Variants in KDELR3 observed in about 807,000 individuals in gnomAD.
KDELR3 encodes the protein KDEL endoplasmic reticulum protein retention receptor 3.
KDELR3 carries 26 observed loss-of-function variants against 22.7 expected under a neutral mutation model. The ratio of observed to expected loss-of-function variants is 1.15; its 90% confidence interval spans 0.84 to 1.59. The LOEUF is 1.59. Among genes scored for constraint, KDELR3 ranks in the 40% most tolerant of loss-of-function variants. The pLI, the probability that KDELR3 is intolerant of heterozygous loss-of-function variation, is 0.00. For synonymous variants in KDELR3, 120 were observed against 98.2 expected, an observed-to-expected ratio of 1.22 and a Z score of -1.31; for missense variants, 289 against 251.1, an observed-to-expected ratio of 1.15 and a Z score of -1.02.
At position 38,479,690 on chromosome 22, in the gene KDELR3, T is replaced by G. The variant is rs778634923; in HGVS notation, c.290T>G (p.Phe97Cys). 2.5e-6 allele frequency: 4 copies of G among 1,614,092 alleles called. No individual in the cohort carries two copies. The African/African-American group carries it at 5.3e-5, about 22-fold the overall frequency. ...GAGAATGACACATTCCGCCTGGAGT[T>G]TCTTCTGGTCCCAGTCATTGGCCTT... The part of the protein sequence containing the change: ...DSENDTFRLE[F>C]LLVPVIGLSF... Residue 97 changes from phenylalanine (F) to cysteine (C), a missense_variant, in exon 3 of 5, where the codon TTT becomes TGT. By Grantham distance (205) the Phe-to-Cys change is radical (BLOSUM62 -2). Transcript: ENST00000216014.
Position 38,474,606 on chromosome 22 carries a change from T to A in KDELR3, c.175T>A (p.Tyr59Asn). ...CCTGTTCACCAACTTCATCTCCATC[T>A]ACAACACAGTAATGAAGGTGAGGGG... ...LDLFTNFISI[Y>N]NTVMKVVFLL... is the part of the protein sequence containing the mutation. Residue 59 changes from tyrosine to asparagine, a missense_variant, in exon 2 of 5, where the codon TAC becomes AAC. Transcript: ENST00000216014. 6.2e-7 allele frequency: 1 copy of A among 1,613,248 alleles called. No individual in the cohort carries two copies.
At chr22:38,481,166 T>G (rs776630707) in intron 3 of KDELR3, 46 bp from the exon 4 acceptor site, 14 of 1,516,588 alleles carry the variant, frequency 9.2e-6, no homozygotes, top group Non-Finnish European at 1.3e-5. Flanking sequence ...AAGATGGGCC[T>G]CTTCTTGGTC....
chr22:38,470,982 A>G (rs1484967981), intron 1 of KDELR3, among the ~76,000 whole-genome samples: 1 of 152,106 alleles, frequency 6.6e-6, no homozygotes, highest in African/African-American at 2.4e-5. Flanking sequence ...TCTCCACTAA[A>G]AATACAAAAA....
In KDELR3 at chr22:38,475,408, A is replaced by G. The variant is rs528009391; in HGVS notation, c.192+785A>G. ...TGGGACAATCACCTGATCTTGGTAGATCAAGGCTGCAGTGAGCCATGATCA... is the reference window on the plus strand; with the variant it reads ...TGGGACAATCACCTGATCTTGGTAGGTCAAGGCTGCAGTGAGCCATGATCA... On this transcript the variant is annotated intron_variant, in intron 2 of 4. Transcript: ENST00000216014. Among the ~76,000 whole-genome samples, 591 of 152,118 alleles carry G rather than the reference A, an allele frequency of 3.9e-3. 5 individuals carry two copies. The highest frequency in any genetic ancestry group is 0.014 in the Middle Eastern group (4 of 294).
rs1208282836 is a variant in KDELR3 at position 38,483,312 on chromosome 22, C to T, written c.*776C>T. Reference sequence around the variant, plus strand: ...TTCCAATTCTTGTATTAAGTTTTTTCCTTTCAGTTTTAGGTGCGAAAGTAA... The same window carrying T: ...TTCCAATTCTTGTATTAAGTTTTTTTCTTTCAGTTTTAGGTGCGAAAGTAA... On this transcript the variant is annotated 3_prime_UTR_variant, in exon 5 of 5. Coordinates refer to ENST00000216014, the MANE Select transcript of KDELR3 (RefSeq NM_006855.4). The T allele has an allele frequency of 6.6e-6, 1 of 152,134 alleles. No individual in the cohort carries two copies. The highest frequency in any genetic ancestry group is 2.4e-5 in the African/African-American group (1 of 41,420). 9.4% of individuals were successfully genotyped at this position (152,134 alleles called of 1,614,324 possible).
chr22:38,474,592 A>G lies in KDELR3; in HGVS notation c.161A>G (p.Asn54Ser). ...ACCAGGTACCTGGACCTGTTCACCA[A>G]CTTCATCTCCATCTACAACACAGTA... ...FTTRYLDLFTNFISIYNTVMK... is the reference protein window; with the variant it reads ...FTTRYLDLFTSFISIYNTVMK... Residue 54 changes from asparagine to serine, a missense_variant, in exon 2 of 5, where the codon AAC becomes AGC. Asn to Ser is a conservative substitution (Grantham distance 46). Transcript: ENST00000216014. 1.2e-6 allele frequency: 2 copies of G among 1,613,692 alleles called. No individual in the cohort carries two copies. The highest frequency in any genetic ancestry group is 1.7e-6 in the Non-Finnish European group (2 of 1,179,862).
rs2089613685 is a variant in KDELR3 at position 38,482,737 on chromosome 22, T to C, written c.*201T>C. 1.8e-6 allele frequency: 1 copy of C among 557,158 alleles called. No homozygotes were observed. Among genetic ancestry groups the C allele is most frequent in the Non-Finnish European group, 3.2e-6 (1 of 315,496 alleles). 34.5% of individuals were successfully genotyped at this position (557,158 alleles called of 1,614,324 possible). Reference sequence around the variant, plus strand: ...CCCTTAAAGACCCATTGTAAGGTCATAAAAAACCTCGGCCACCTGCACAAA... The same window carrying C: ...CCCTTAAAGACCCATTGTAAGGTCACAAAAAACCTCGGCCACCTGCACAAA... On this transcript the variant is annotated 3_prime_UTR_variant, in exon 5 of 5. Coordinates refer to ENST00000216014, the MANE Select transcript of KDELR3 (RefSeq NM_006855.4).
At chr22:38,469,177 G>A (rs902708333) in intron 1 of KDELR3, among the ~76,000 whole-genome samples, 5 of 152,218 alleles carry the variant, frequency 3.3e-5, no homozygotes, top group African/African-American at 9.6e-5. Context: ...TGTCAATCCA[G>A]GAAGTGTGTG....
intron 2 of KDELR3, 50 bp downstream of exon 2, chr22:38,474,673 A>C (rs984839149): frequency 2.8e-6 from 4 of 1,444,514 alleles, no homozygotes; most frequent in Non-Finnish European, 3.9e-6. Flanking sequence ...GCCCCCACAA[A>C]CTGTGAGGTA....
chr22:38,475,037 G>A (rs1324095377), intron 2 of KDELR3, among the ~76,000 whole-genome samples: 1 of 124,664 alleles, frequency 8.0e-6, no homozygotes, highest in Non-Finnish European at 1.6e-5. Context: ...CCGAGATCGC[G>A]CCACTGCACT....
intron 2 of KDELR3, among the ~76,000 whole-genome samples, chr22:38,474,921 A>C (rs2089548074): frequency 6.6e-6 from 1 of 151,848 alleles, no homozygotes; most frequent in African/African-American, 2.4e-5. Flanking sequence ...TCTACTAAAA[A>C]TACAAAAAAT....
At chr22:38,477,065 C>T (rs2089564660) in intron 2 of KDELR3, among the ~76,000 whole-genome samples, 1 of 138,044 alleles carries the variant, frequency 7.2e-6, no homozygotes, top group African/African-American at 2.7e-5. Context: ...TGCCACCATG[C>T]CTGGCTAACT....
intron 2 of KDELR3, among the ~76,000 whole-genome samples, chr22:38,476,236 T>C (rs1300889992): frequency 6.6e-6 from 1 of 152,128 alleles, no homozygotes; most frequent in East Asian, 1.9e-4. Context: ...TTTTTTTTTT[T>C]TGAGACGGAG....
chr22:38,481,252 T>C lies in KDELR3; in HGVS notation c.392T>C (p.Ile131Thr). 6.2e-7 allele frequency: 1 copy of C among 1,614,206 alleles called. No homozygotes were observed. The highest frequency in any genetic ancestry group is 8.5e-7 in the Non-Finnish European group (1 of 1,180,032). ...TCTATCTATCTGGAATCAGTGGCTA[T>C]CCTGCCCCAGCTCTTCATGATCAGC... ...TFSIYLESVA[I>T]LPQLFMISKT... The change falls in exon 4 of 5, where the codon ATC (isoleucine) becomes ACC (threonine). Residue 131 changes from isoleucine (I) to threonine (T), a missense_variant. By Grantham distance (89) the Ile-to-Thr change is moderately conservative (BLOSUM62 -1). Coordinates refer to ENST00000216014, the MANE Select transcript of KDELR3 (RefSeq NM_006855.4).
chr22:38,474,558 G>C lies in KDELR3; in HGVS notation c.127G>C (p.Val43Leu), dbSNP rs779364847. The C allele has an allele frequency of 3.1e-6, 5 of 1,613,962 alleles. No homozygotes were observed. Among genetic ancestry groups the C allele is most frequent in the Non-Finnish European group, 4.2e-6 (5 of 1,179,968 alleles). ...GAAGAGCCAGATCCTGTTTGCTCTC[G>C]TCTTCACCACCAGGTACCTGGACCT... ...SGKSQILFALVFTTRYLDLFT... is the reference protein window; with the variant it reads ...SGKSQILFALLFTTRYLDLFT... Residue 43 changes from valine to leucine, a missense_variant, in exon 2 of 5, where the codon GTC (valine) becomes CTC (leucine). Coordinates refer to ENST00000216014, the MANE Select transcript of KDELR3 (RefSeq NM_006855.4).
At chr22:38,469,751 T>C (rs916615139) in intron 1 of KDELR3, among the ~76,000 whole-genome samples, 1 of 152,236 alleles carries the variant, frequency 6.6e-6, no homozygotes, top group Non-Finnish European at 1.5e-5. Flanking sequence ...TGCCAGACAC[T>C]GCTGGGCACC....
At chr22:38,479,516 TG>T in intron 2 of KDELR3, 76 bp from the exon 3 acceptor site, 1 of 1,359,606 alleles carries the variant, frequency 7.4e-7, no homozygotes, top group Non-Finnish European at 1.0e-6. Flanking sequence ...CCCTTAGGTT[TG>T]GTAGGCTAGG....
At chr22:38,478,564 T>A in intron 2 of KDELR3, among the ~76,000 whole-genome samples, 1 of 118,284 alleles carries the variant, frequency 8.5e-6, no homozygotes, top group African/African-American at 3.1e-5. Flanking sequence ...AAGAACAAAC[T>A]TTCAGGCCCA....
chr22:38,482,961 T>A lies in KDELR3; in HGVS notation c.*425T>A, dbSNP rs1340456551. 1 of 163,610 alleles carries A rather than the reference T, an allele frequency of 6.1e-6. No homozygotes were observed. Among genetic ancestry groups the A allele is most frequent in the African/African-American group, 2.4e-5 (1 of 41,882 alleles). The allele number at this position is 163,610 out of a possible 1,614,324, so 10.1% of individuals were successfully genotyped here. A position where few individuals can be genotyped will look rare whatever the true frequency, so the allele number is the denominator to read the frequency against. On this transcript the variant is annotated 3_prime_UTR_variant, in exon 5 of 5. Transcript: ENST00000216014. ...GGGTACGTTCTTGTGAATTTCCACT[T>A]TCCAGGTAGATGACCAAATTTAGGT... is the stretch of plus-strand genomic sequence containing the variant.
Sources: allele counts gnomAD v4.1 joint callset (sites outside exome capture counted in the v4.1 genomes callset), GRCh38; gene constraint gnomAD v4.1.1; transcripts MANE v1.5; gene names NCBI Gene and HGNC (gene_info 2026-07-23, HGNC 2026-07-21).